PDE11A: variants seen among roughly 807,000 people sequenced by gnomAD.
PDE11A encodes the protein phosphodiesterase 11A.
A neutral mutation model predicts 100.5 loss-of-function variants in PDE11A; 100 were observed. The observed-to-expected ratio is 1.00, with a 90% confidence interval of 0.85 to 1.18. PDE11A has a LOEUF of 1.18. Among genes scored for constraint, PDE11A ranks in the 50% most tolerant of loss-of-function variants. The pLI is 0.00. For missense variants in PDE11A, 1,141 were observed against 1,152.6 expected, an observed-to-expected ratio of 0.99 and a Z score of 0.15; for synonymous variants, 381 against 420.8, an observed-to-expected ratio of 0.91 and a Z score of 1.16.
At chr2:177,883,218 G>C (rs1053083077) in intron 4 of PDE11A, among the ~76,000 whole-genome samples, 2 of 150,014 alleles carry the variant, frequency 1.3e-5, no homozygotes, top group Non-Finnish European at 3.0e-5. Context: ...GCAGTGAGCC[G>C]AGATGCACCA....
chr2:178,001,502 C>T (rs951737386), intron 2 of PDE11A, among the ~76,000 whole-genome samples: 3 of 152,072 alleles, frequency 2.0e-5, no homozygotes, highest in African/African-American at 2.4e-5. Context: ...GCTTGTTAAT[C>T]GGCACAATGG....
intron 2 of PDE11A, among the ~76,000 whole-genome samples, chr2:178,001,522 A>G (rs548700969): frequency 1.3e-5 from 2 of 152,294 alleles, no homozygotes; most frequent in East Asian, 3.9e-4. Context: ...GATTTTAGAT[A>G]TCAACTCTGA....
rs78473092 is a variant in PDE11A, at chr2:177,697,571, A to G, written c.2245-139T>C. Reference sequence around the variant, plus strand: ...AAGCATAGTGAAATTTTGTATAAATATAAACAGATTCTCTGGCAAACCTAG... The same window carrying G: ...AAGCATAGTGAAATTTTGTATAAATGTAAACAGATTCTCTGGCAAACCTAG... On this transcript the variant is annotated intron_variant, in intron 14 of 19. Coordinates refer to ENST00000286063, the MANE Select transcript of PDE11A (RefSeq NM_016953.4). The G allele has an allele frequency of 6.2e-3, 3,899 of 627,790 alleles. 106 individuals are homozygous for G. The African/African-American group carries it at 0.063, about 10-fold the overall frequency. The allele number at this position is 627,790 out of a possible 1,614,324, so 38.9% of individuals were successfully genotyped here.
chr2:177,734,925 G>A (rs1291715407), intron 10 of PDE11A, among the ~76,000 whole-genome samples: 1 of 152,252 alleles, frequency 6.6e-6, no homozygotes, highest in East Asian at 1.9e-4. Flanking sequence ...AGACTCTGAA[G>A]AGTCAAGCTC....
intron 2 of PDE11A, chr2:177,926,748 T>TC (rs1034045827): frequency 1.3e-5 from 2 of 151,088 alleles, no homozygotes; most frequent in Admixed American, 6.6e-5. Context: ...CTACATTTCC[T>TC]GGTTTTTTTT....
At chr2:177,987,952 A>G (rs994020099) in intron 2 of PDE11A, among the ~76,000 whole-genome samples, 2 of 152,212 alleles carry the variant, frequency 1.3e-5, no homozygotes, top group Non-Finnish European at 2.9e-5. Flanking sequence ...GTAAAATTAA[A>G]GTCAGAAAGA....
At position 177,669,492 on chromosome 2, in the gene PDE11A, C is replaced by G. The variant is rs752051568; in HGVS notation, c.2562+1G>C. 1.2e-5 allele frequency: 14 copies of G among 1,201,218 alleles called. No individual in the cohort carries two copies. In the Admixed American group the frequency reaches 2.2e-4, roughly 19 times the overall value. The allele number at this position is 1,201,218 out of a possible 1,614,324, so 74.4% of individuals were successfully genotyped here. ...ACGTTATAATTAAAGGATGAACTCA[C>G]TGAAGGAGTGAGTTTGAGCTCTAAT... On this transcript the variant is annotated splice_donor_variant, in intron 18 of 19. Coordinates refer to ENST00000286063, the MANE Select transcript of PDE11A (RefSeq NM_016953.4). LOFTEE classifies it high-confidence loss of function.
intron 1 of PDE11A, 137 bp downstream of exon 1, chr2:178,071,388 TA>T: frequency 9.7e-7 from 1 of 1,033,698 alleles, no homozygotes; most frequent in Non-Finnish European, 1.4e-6. Context: ...CTAACTAGTC[TA>T]AACTCGGGAA....
chr2:177,873,823 T>C (rs2084185653), intron 5 of PDE11A, among the ~76,000 whole-genome samples: 1 of 152,226 alleles, frequency 6.6e-6, no homozygotes, highest in Non-Finnish European at 1.5e-5. Flanking sequence ...TAATTTACTT[T>C]TTATTTTTAC....
At chr2:177,676,817 A>T (rs113320752) in intron 16 of PDE11A, among the ~76,000 whole-genome samples, 202 of 152,338 alleles carry the variant, frequency 1.3e-3, no homozygotes, top group Non-Finnish European at 2.4e-3. Context: ...ACTACTAACT[A>T]AATGAATCGT....
intron 4 of PDE11A, chr2:177,888,672 C>T: frequency 1.0e-6 from 1 of 973,436 alleles, no homozygotes; most frequent in Non-Finnish European, 1.2e-6. Context: ...GACTTTAAGG[C>T]CCTAGTTCAG....
At chr2:177,997,644 C>A (rs958507224) in intron 2 of PDE11A, 9 of 1,461,524 alleles carry the variant, frequency 6.2e-6, no homozygotes, top group African/African-American at 2.8e-5. Flanking sequence ...AGTATTGCAG[C>A]CTGATTTTGA....
At chr2:177,676,375 A>G (rs2080773529) in intron 16 of PDE11A, among the ~76,000 whole-genome samples, 2 of 152,232 alleles carry the variant, frequency 1.3e-5, no homozygotes, top group Non-Finnish European at 2.9e-5. Flanking sequence ...GAGCTGGGGA[A>G]CCACATCTTG....
At chr2:177,779,859 G>A (rs1210818636) in intron 9 of PDE11A, among the ~76,000 whole-genome samples, 3 of 152,178 alleles carry the variant, frequency 2.0e-5, no homozygotes, top group African/African-American at 7.2e-5. Context: ...ATTTAGAATG[G>A]TGAATCCTTT....
Position 177,895,373 on chromosome 2 carries a change from C to T in PDE11A, c.1302+2685G>A, listed in dbSNP as rs185175641. ...TTCGAGACCAGCCTGGCCAACATGG[C>T]GAAACTCTGACTCTACTAAAAATAA... is the stretch of plus-strand genomic sequence containing the variant. On this transcript the variant is annotated intron_variant, in intron 4 of 19. Transcript: ENST00000286063. Among the ~76,000 whole-genome samples the T allele has an allele frequency of 6.8e-4, 104 of 151,878 alleles. 2 individuals carry two copies. In the East Asian group the frequency reaches 0.015, roughly 22 times the overall value.
intron 2 of PDE11A, among the ~76,000 whole-genome samples, chr2:177,923,898 G>C (rs2085089959): frequency 6.6e-6 from 1 of 152,166 alleles, no homozygotes; most frequent in Non-Finnish European, 1.5e-5. Flanking sequence ...CTAGCACAGA[G>C]TGGTGGCTCA....
At chr2:177,831,122 C>A (rs115911005) in intron 6 of PDE11A, among the ~76,000 whole-genome samples, 1,896 of 152,290 alleles carry the variant, frequency 0.012, 9 homozygotes, top group Non-Finnish European at 0.019. Context: ...GGCTCACCTG[C>A]TAAGTCTGCT....
At chr2:177,661,645 T>C (rs754439053) in intron 19 of PDE11A, among the ~76,000 whole-genome samples, 11 of 152,206 alleles carry the variant, frequency 7.2e-5, no homozygotes, top group Non-Finnish European at 1.3e-4. Context: ...CAAAGCCTTG[T>C]ATAAAACTTA....
chr2:177,710,570 C>A (rs1054714099), intron 13 of PDE11A, among the ~76,000 whole-genome samples: 6 of 152,142 alleles, frequency 3.9e-5, no homozygotes, highest in Non-Finnish European at 1.5e-5. Flanking sequence ...TAAGTCTAGG[C>A]AGAGTAGCAA....
Sources: allele counts gnomAD v4.1 joint callset (sites outside exome capture counted in the v4.1 genomes callset), GRCh38; gene constraint gnomAD v4.1.1; transcripts MANE v1.5; gene names NCBI Gene and HGNC (gene_info 2026-07-23, HGNC 2026-07-21).